ALDH3B2: variants seen among roughly 807,000 people sequenced by gnomAD.
The protein encoded by ALDH3B2 is aldehyde dehydrogenase family 3 member B2.
Under a neutral mutation model 36.7 loss-of-function variants are expected in ALDH3B2, and 45 were observed. That is an observed-to-expected ratio of 1.23 (90% CI 0.97 to 1.57). The LOEUF is 1.57. Among genes scored for constraint, ALDH3B2 ranks in the 40% most tolerant of loss-of-function variants. The pLI is 0.00. For synonymous variants in ALDH3B2, 217 were observed against 226.5 expected (o/e 0.96, Z 0.38); for missense variants, 464 against 513.3 (o/e 0.90, Z 0.93).
At chr11:67,664,224 C>T (rs2134127488) in intron 8 of ALDH3B2, 172 bp downstream of exon 8, 1 of 1,080,068 alleles carries the variant, frequency 9.3e-7, no homozygotes, top group Non-Finnish European at 1.3e-6. Flanking sequence ...GGACCCTGTC[C>T]TCTCTGCCAG....
chr11:67,663,309 T>C (rs779913830), exon 10 of ALDH3B2: 2 of 1,614,162 alleles, frequency 1.2e-6, no homozygotes, highest in Non-Finnish European at 1.7e-6. Context: ...CTTTAATTTC[T>C]CCAGGCCGGA....
At chr11:67,678,551 T>C (rs1856310575), upstream of ALDH3B2, among the ~76,000 whole-genome samples, 1 of 151,898 alleles carries the variant, frequency 6.6e-6, no homozygotes, top group Non-Finnish European at 1.5e-5. Flanking sequence ...CTTCTAGACA[T>C]TGGCTTAGGC....
At chr11:67,669,985 T>C (rs1856050290) in intron 1 of ALDH3B2, among the ~76,000 whole-genome samples, 2 of 117,454 alleles carry the variant, frequency 1.7e-5, no homozygotes, top group African/African-American at 3.2e-5. Flanking sequence ...GGTGTCTGTA[T>C]GTGTATGGGT....
At chr11:67,666,628 A>G in exon 4 of ALDH3B2, 1 of 1,614,134 alleles carries the variant, frequency 6.2e-7, no homozygotes, top group Non-Finnish European at 8.5e-7. Context: ...GGGTAGTTCC[A>G]GGGTGCGATG....
chr11:67,672,034 A>T (rs1295610597), intron 1 of ALDH3B2, among the ~76,000 whole-genome samples: 1 of 96,218 alleles, frequency 1.0e-5, no homozygotes, highest in Non-Finnish European at 1.9e-5. Context: ...GATGGAACCG[A>T]TGTACTTCAT....
At position 67,666,406 on chromosome 11, in the gene ALDH3B2, A is replaced by G; in HGVS notation, c.152-5T>C. 1.9e-6 allele frequency: 3 copies of G among 1,608,086 alleles called. No individual in the cohort carries two copies. Among genetic ancestry groups the G allele is most frequent in the Non-Finnish European group, 2.5e-6 (3 of 1,177,466 alleles). ...GCTTCAGCACCACGCAACTCCCTGCAGGGGCAGATGGGGACGTCGTTGGGG... is the reference window on the plus strand; with the variant it reads ...GCTTCAGCACCACGCAACTCCCTGCGGGGGCAGATGGGGACGTCGTTGGGG... On this transcript the variant is annotated splice_region_variant and splice_polypyrimidine_tract_variant and intron_variant, in intron 4 of 9. Transcript: ENST00000349015.
upstream of ALDH3B2, among the ~76,000 whole-genome samples, chr11:67,676,933 C>T (rs1410798200): frequency 6.6e-6 from 1 of 152,038 alleles, no homozygotes; most frequent in Non-Finnish European, 1.5e-5. Context: ...AGGCCAATAA[C>T]AAGCAGCGGG....
At position 67,666,516 on chromosome 11, in the gene ALDH3B2, C is replaced by A. The variant is rs557052250; in HGVS notation, c.151+58G>T. The A allele has an allele frequency of 6.8e-5, 109 of 1,609,770 alleles. 1 individual carries two copies. The Admixed American group carries it at 1.5e-3, about 22-fold the overall frequency. On this transcript the variant is annotated intron_variant, in intron 4 of 9. Coordinates refer to ENST00000349015, the Ensembl canonical transcript of ALDH3B2. The stretch of plus-strand genomic sequence containing the variant: ...GTACCTCAGAGCAAGATTCCAGGGG[C>A]CTCTTTGGGAGGGGCTACTGGGCGG...
At chr11:67,663,336 G>A in exon 10 of ALDH3B2, 1 of 1,614,184 alleles carries the variant, frequency 6.2e-7, no homozygotes, top group Non-Finnish European at 8.5e-7. Flanking sequence ...GAGCAGGCAG[G>A]TGCGGTGGTG....
intron 7 of ALDH3B2, among the ~76,000 whole-genome samples, 155 bp from the exon 8 acceptor site, chr11:67,664,717 G>T (rs913450849): frequency 2.0e-5 from 3 of 152,224 alleles, no homozygotes; most frequent in Admixed American, 1.3e-4. Flanking sequence ...GTTTAGGGAA[G>T]AAAGTTTCCC....
At chr11:67,670,650 G>A (rs1446261564) in intron 1 of ALDH3B2, among the ~76,000 whole-genome samples, 1 of 152,190 alleles carries the variant, frequency 6.6e-6, no homozygotes, top group Non-Finnish European at 1.5e-5. Context: ...ACAAGATGAG[G>A]AGAGCAGCCC....
At chr11:67,666,093 A>C in intron 6 of ALDH3B2, 29 bp downstream of exon 6, 1 of 1,608,732 alleles carries the variant, frequency 6.2e-7, no homozygotes, top group Non-Finnish European at 8.5e-7. Context: ...CCCTCCACCT[A>C]CTCTGGGACC....
intron 1 of ALDH3B2, chr11:67,673,786 T>A (rs1206173111): frequency 2.0e-5 from 3 of 152,144 alleles, no homozygotes; most frequent in African/African-American, 7.2e-5. Flanking sequence ...TGATTTGCCC[T>A]CCTCACAGCC....
chr11:67,676,356 G>T (rs940858294), upstream of ALDH3B2, among the ~76,000 whole-genome samples: 1 of 152,108 alleles, frequency 6.6e-6, no homozygotes, highest in Non-Finnish European at 1.5e-5. Context: ...TCTTGAATGA[G>T]CATTGGGTCA....
At chr11:67,673,505 G>A (rs1162982908) in intron 1 of ALDH3B2, among the ~76,000 whole-genome samples, 1 of 152,252 alleles carries the variant, frequency 6.6e-6, no homozygotes, top group Non-Finnish European at 1.5e-5. Context: ...GAGGGCAGGT[G>A]ATCTGGACAG....
chr11:67,674,656 G>A (rs116638271), upstream of ALDH3B2: 1,375 of 152,524 alleles, frequency 9.0e-3, 21 homozygotes, highest in African/African-American at 0.031. Flanking sequence ...CCCAACAGGC[G>A]TGGGGCAGGG....
intron 7 of ALDH3B2, 65 bp from the exon 8 acceptor site, chr11:67,664,627 G>C: frequency 1.3e-6 from 2 of 1,588,864 alleles, no homozygotes; most frequent in Non-Finnish European, 1.7e-6. Flanking sequence ...GGGTAGGGTA[G>C]AGGTGGGGAC....
exon 4 of ALDH3B2, chr11:67,666,586 C>G: frequency 6.2e-7 from 1 of 1,613,988 alleles, no homozygotes; most frequent in Non-Finnish European, 8.5e-7. Flanking sequence ...GCGGCGAGGG[C>G]GCCCACCAGG....
chr11:67,665,467 A>G (rs1407857994), exon 7 of ALDH3B2: 1 of 1,613,940 alleles, frequency 6.2e-7, no homozygotes, highest in Non-Finnish European at 8.5e-7. Flanking sequence ...CCTCTCCTGC[A>G]TCTCGGGGCT....
Sources: allele counts gnomAD v4.1 joint callset (sites outside exome capture counted in the v4.1 genomes callset), GRCh38; gene constraint gnomAD v4.1.1; transcripts MANE v1.5; gene names NCBI Gene and HGNC (gene_info 2026-07-23, HGNC 2026-07-21).